Variants in KLC3 observed in about 807,000 individuals in gnomAD.
The protein encoded by KLC3 is kinesin light chain 2.
KLC3 carries 72 observed loss-of-function variants against 62.9 expected under a neutral mutation model. The ratio of observed to expected loss-of-function variants is 1.15; its 90% confidence interval spans 0.95 to 1.39. KLC3 has a LOEUF of 1.39. Ranked by LOEUF, KLC3 falls within the 40% of genes most tolerant of loss-of-function variation. The pLI, the probability that KLC3 is intolerant of heterozygous loss-of-function variation, is 0.00. For synonymous variants in KLC3, 377 were observed against 300.5 expected, an observed-to-expected ratio of 1.25 and a Z score of -2.63; for missense variants, 848 against 691.6, an observed-to-expected ratio of 1.23 and a Z score of -2.54.
In KLC3 at chr19:45,351,312, C is replaced by A; in HGVS notation, c.1470C>A (p.Ala490=). ...TQFPSWHLDK[A]PRTLSASTQD... ...TTCCCAGCTGGCACCTGGACAAGGC[C>A]CCTCGGACCCTCAGCGCCAGCACCC... Residue 490 remains alanine (A), a synonymous_variant, in exon 13 of 13, where the codon GCC becomes GCA. Coordinates refer to ENST00000391946, the MANE Select transcript of KLC3 (RefSeq NM_177417.3). 6.2e-7 allele frequency: 1 copy of A among 1,612,492 alleles called. No individual in the cohort carries two copies. The highest frequency in any genetic ancestry group is 8.5e-7 in the Non-Finnish European group (1 of 1,179,990).
intron 1 of KLC3, among the ~76,000 whole-genome samples, chr19:45,343,688 G>T (rs1308309882): frequency 6.6e-6 from 1 of 152,104 alleles, no homozygotes; most frequent in African/African-American, 2.4e-5. Context: ...TATACAGATT[G>T]TTTTTGAAAG....
chr19:45,349,344 C>T (rs998619626), intron 7 of KLC3, 85 bp from the exon 8 acceptor site: 158 of 1,397,478 alleles, frequency 1.1e-4, no homozygotes, highest in Admixed American at 1.7e-4. Context: ...CTGTAATCCC[C>T]AACTCATGAC....
At chr19:45,350,182 GAGGCCA>G (rs1289431423) in intron 8 of KLC3, 153 bp from the exon 9 acceptor site, 45 of 620,874 alleles carry the variant, frequency 7.2e-5, no homozygotes, top group Non-Finnish European at 1.2e-4. Flanking sequence ...AACACTTTGG[GAGGCCA>G]AGGCAGGAGG....
At chr19:45,343,822 G>C (rs756075958) in intron 1 of KLC3, among the ~76,000 whole-genome samples, 14 of 150,024 alleles carry the variant, frequency 9.3e-5, no homozygotes, top group Admixed American at 3.3e-4. Context: ...TCTAAGAGGA[G>C]AATGTATATT....
rs373869679 is a variant in KLC3 at position 45,348,825 on chromosome 19, C to T, written c.873C>T (p.Ala291=). 6.0e-5 allele frequency: 94 copies of T among 1,566,508 alleles called. No individual in the cohort carries two copies. Among genetic ancestry groups the T allele is most frequent in the East Asian group, 2.6e-4 (11 of 42,578 alleles). The change falls in exon 7 of 13, where the codon GCC becomes GCT. Residue 291 remains alanine, a synonymous_variant. Transcript: ENST00000391946. ...QTLGPEHPAV[A]ATLNNLAVLY... ...TGCCTCCCCCAACCCCGCAGGTGGC[C>T]GCCACGCTCAACAACTTGGCTGTCC...
intron 7 of KLC3, among the ~76,000 whole-genome samples, chr19:45,349,130 C>A (rs1449561662): frequency 1.3e-5 from 2 of 152,074 alleles, no homozygotes; most frequent in East Asian, 1.9e-4. Flanking sequence ...TCTCGCCTTA[C>A]CTCACACATC....
intron 10 of KLC3, 30 bp from the exon 11 acceptor site, chr19:45,350,611 G>A (rs776994753): frequency 4.5e-5 from 73 of 1,613,228 alleles, no homozygotes; most frequent in African/African-American, 2.1e-4. Context: ...GGGCCTGGGG[G>A]ACTGAGCAGC....
At chr19:45,348,554 T>C (rs1971568329) in intron 5 of KLC3, 92 bp from the exon 6 acceptor site, 1 of 1,265,356 alleles carries the variant, frequency 7.9e-7, no homozygotes, top group Admixed American at 2.1e-5. Flanking sequence ...TCAGCCAGGT[T>C]CCCTGGGCCT....
intron 3 of KLC3, chr19:45,347,145 C>T: frequency 2.4e-6 from 1 of 419,266 alleles, no homozygotes; most frequent in Non-Finnish European, 4.3e-6. Flanking sequence ...GATTTCAAGA[C>T]CAGCATGACC....
Position 45,350,661 on chromosome 19 carries a change from A to T in KLC3, c.1293A>T (p.Ser431=), listed in dbSNP as rs748545288. The change falls in exon 11 of 13, where the codon TCA becomes TCT. Residue 431 remains serine, a synonymous_variant. Transcript: ENST00000391946. Reference sequence around the variant, plus strand: ...CCCAGGCCCTTCGCCGCAGCAGCTCACTCTCCAAGATCCGTGAGTCTATCA... The same window carrying T: ...CCCAGGCCCTTCGCCGCAGCAGCTCTCTCTCCAAGATCCGTGAGTCTATCA... The part of the protein sequence containing the change: ...DAEQALRRSS[S]LSKIRESIRR... 10 of 1,612,354 alleles carry T rather than the reference A, an allele frequency of 6.2e-6. No homozygotes were observed. The highest frequency in any genetic ancestry group is 2.7e-5 in the African/African-American group (2 of 74,486).
At position 45,350,861 on chromosome 19, in the gene KLC3, TAC is replaced by T. The variant is rs1971724580; in HGVS notation, c.1380-87_1380-86del. 7.7e-6 allele frequency: 11 copies of T among 1,434,400 alleles called. No homozygotes were observed. The South Asian group carries it at 1.1e-4, about 14-fold the overall frequency. 88.9% of individuals were successfully genotyped at this position (1,434,400 alleles called of 1,614,324 possible). A position where few individuals can be genotyped will look rare whatever the true frequency, so the allele number is the denominator to read the frequency against. ...TCCATGGCTCCCATCTCCCCTGTGA[TAC>T]ACACAGATCAAACCCTGTGCTGGAA... On this transcript the variant is annotated intron_variant, in intron 11 of 12. Coordinates refer to ENST00000391946, the MANE Select transcript of KLC3 (RefSeq NM_177417.3).
At chr19:45,344,194 A>G (rs1599704963) in intron 1 of KLC3, among the ~76,000 whole-genome samples, 1 of 133,946 alleles carries the variant, frequency 7.5e-6, no homozygotes, top group Admixed American at 7.6e-5. Flanking sequence ...TATTTCTGGG[A>G]GGGTGTGTGT....
rs1332070987 is a variant in KLC3 at position 45,346,785 on chromosome 19, C to T, written c.489+11C>T. ...CCGGCGGAGAGCCAGGTGCCACGGG[C>T]AGGGCGAGGCGGGGGGTGCTGGGCC... On this transcript the variant is annotated intron_variant, in intron 3 of 12. Transcript: ENST00000391946. 1.3e-6 allele frequency: 2 copies of T among 1,562,222 alleles called. No individual in the cohort carries two copies. The highest frequency in any genetic ancestry group is 1.9e-5 in the Admixed American group (1 of 52,518).
chr19:45,341,578 T>TGTGTGTGTGTGCGCGC, intron 1 of KLC3, among the ~76,000 whole-genome samples: 28 of 139,900 alleles, frequency 2.0e-4, no homozygotes, highest in Non-Finnish European at 2.8e-4. Context: ...TGTGTGTGTG[T>TGTGTGTGTGTGCGCGC]GCGCGCGCGC....
In KLC3 at chr19:45,349,462, C is replaced by G; in HGVS notation, c.1003C>G (p.Gln335Glu). 6.2e-7 allele frequency: 1 copy of G among 1,612,844 alleles called. No individual in the cohort carries two copies. The highest frequency in any genetic ancestry group is 1.3e-5 in the African/African-American group (1 of 75,052). The change falls in exon 8 of 13, where the codon CAG (glutamine) becomes GAG (glutamate). Residue 335 changes from glutamine (Q) to glutamate (E), a missense_variant. Gln to Glu is a conservative substitution (Grantham distance 29). Coordinates refer to ENST00000391946, the MANE Select transcript of KLC3 (RefSeq NM_177417.3). Reference protein sequence around the residue: ...LGADHPDVAKQLNNLALLCQN... With the variant: ...LGADHPDVAKELNNLALLCQN... Reference sequence around the variant, plus strand: ...TGCTGACCACCCAGATGTGGCCAAGCAGCTCAACAACCTGGCCCTGCTGTG... The same window carrying G: ...TGCTGACCACCCAGATGTGGCCAAGGAGCTCAACAACCTGGCCCTGCTGTG...
In KLC3 at chr19:45,351,311, CCCCTCGGACCCTCAGCG is replaced by C; in HGVS notation, c.1472_1488del (p.Pro491GlnfsTer?). ...TTTCCCAGCTGGCACCTGGACAAGG[CCCCTCGGACCCTCAGCG>C]CCAGCACCCAGGACCTGAGCCCCCA... On this transcript the variant is annotated frameshift_variant, in exon 13 of 13. Coordinates refer to ENST00000391946, the MANE Select transcript of KLC3 (RefSeq NM_177417.3). LOFTEE classifies it high-confidence loss of function. 6.2e-7 allele frequency: 1 copy of C among 1,612,524 alleles called. No homozygotes were observed. The highest frequency in any genetic ancestry group is 8.5e-7 in the Non-Finnish European group (1 of 1,180,008).
In KLC3 at chr19:45,350,566, T is replaced by G. The variant is rs1971689948; in HGVS notation, c.1272+15T>G. ...ACGCAGAACAGGTGAGGATGGGCTG[T>G]GCTTCGGCTCCTGGGGTGGGCGTGG... On this transcript the variant is annotated intron_variant, in intron 10 of 12. Coordinates refer to ENST00000391946, the MANE Select transcript of KLC3 (RefSeq NM_177417.3). 2 of 1,613,918 alleles carry G rather than the reference T, an allele frequency of 1.2e-6. No homozygotes were observed. The highest frequency in any genetic ancestry group is 8.5e-7 in the Non-Finnish European group (1 of 1,179,950).
chr19:45,350,337 G>A lies in KLC3; in HGVS notation c.1144-4G>A, dbSNP rs369273770. The A allele has an allele frequency of 1.3e-4, 214 of 1,611,984 alleles. No homozygotes were observed. The highest frequency in any genetic ancestry group is 2.1e-4 in the South Asian group (19 of 91,020). ...AAAGTTCCCAGACACTCCCTTCTCC[G>A]CAGGCCTCAGCCTACCTGAAACAGA... On this transcript the variant is annotated splice_polypyrimidine_tract_variant and splice_region_variant and intron_variant, in intron 8 of 12. Coordinates refer to ENST00000391946, the MANE Select transcript of KLC3 (RefSeq NM_177417.3).
intron 5 of KLC3, 34 bp from the exon 6 acceptor site, chr19:45,348,610 GGC>G (rs764638427): frequency 6.5e-7 from 1 of 1,549,124 alleles, no homozygotes; most frequent in South Asian, 1.2e-5. Flanking sequence ...CCCAACCCTT[GGC>G]TAACCCCCTC....
Sources: allele counts gnomAD v4.1 joint callset (sites outside exome capture counted in the v4.1 genomes callset), GRCh38; gene constraint gnomAD v4.1.1; transcripts MANE v1.5; gene names NCBI Gene and HGNC (gene_info 2026-07-23, HGNC 2026-07-21).